The following SLC35E2B variants were observed in gnomAD, a reference collection of about 807,000 sequenced individuals.
The protein encoded by SLC35E2B is solute carrier family 35, member E2B.
In SLC35E2B, 18 loss-of-function variants were observed where a neutral mutation model predicts 32.4. That is an observed-to-expected ratio of 0.56 (90% CI 0.38 to 0.82). The LOEUF is 0.82. Ranked by LOEUF, SLC35E2B falls within the 40% of genes least tolerant of loss-of-function variation. SLC35E2B has a pLI of 0.00. For missense variants in SLC35E2B, 263 were observed against 469.5 expected, an observed-to-expected ratio of 0.56 and a Z score of 4.06; for synonymous variants, 132 against 209.1, an observed-to-expected ratio of 0.63 and a Z score of 3.18.
chr1:1,677,057 G>A (rs1468708616), intron 2 of SLC35E2B, among the ~76,000 whole-genome samples: 93 of 82,900 alleles, frequency 1.1e-3, no homozygotes, highest in Middle Eastern at 4.2e-3. Context: ...ACGAAACCCC[G>A]TCTCTACTAA....
At chr1:1,677,464 C>A (rs1643863481) in intron 2 of SLC35E2B, among the ~76,000 whole-genome samples, 1 of 150,388 alleles carries the variant, frequency 6.6e-6, no homozygotes, top group African/African-American at 2.5e-5. Context: ...TAATTCCATG[C>A]TACTTTCTTT....
At chr1:1,687,963 T>C (rs1643971716) in intron 2 of SLC35E2B, among the ~76,000 whole-genome samples, 1 of 152,050 alleles carries the variant, frequency 6.6e-6, no homozygotes, top group South Asian at 2.1e-4. Context: ...CAGGCTTCTT[T>C]GAAAAATGAC....
At chr1:1,667,741 A>C (rs1643583067) in intron 9 of SLC35E2B, among the ~76,000 whole-genome samples, 1 of 152,216 alleles carries the variant, frequency 6.6e-6, no homozygotes, top group Non-Finnish European at 1.5e-5. Flanking sequence ...TATTCTAGAC[A>C]GAAAAGCACT....
At chr1:1,684,358 G>A (rs1317754344) in intron 2 of SLC35E2B, among the ~76,000 whole-genome samples, 2 of 152,202 alleles carry the variant, frequency 1.3e-5, no homozygotes, top group Non-Finnish European at 2.9e-5. Context: ...TCAGGGCAGC[G>A]TTTCTGCTGA....
chr1:1,678,531 G>C (rs1643873076), intron 2 of SLC35E2B, among the ~76,000 whole-genome samples: 1 of 152,034 alleles, frequency 6.6e-6, no homozygotes, highest in Admixed American at 6.6e-5. Flanking sequence ...GTGCCACCCA[G>C]ACGCTCCCAG....
chr1:1,678,967 G>C (rs182295373), intron 2 of SLC35E2B, among the ~76,000 whole-genome samples: 8 of 152,146 alleles, frequency 5.3e-5, no homozygotes, highest in African/African-American at 1.9e-4. Flanking sequence ...CAGAGCACTC[G>C]CGACAGGGCT....
chr1:1,682,009 A>G (rs1478576454), intron 2 of SLC35E2B, among the ~76,000 whole-genome samples: 3 of 31,240 alleles, frequency 9.6e-5, no homozygotes, highest in African/African-American at 6.9e-4. Flanking sequence ...AAAAAAAAAA[A>G]AAAAAAAAAA....
At position 1,669,670 on chromosome 1, in the gene SLC35E2B, G is replaced by C; in HGVS notation, c.828C>G (p.Phe276Leu). The change falls in exon 8 of 10, where the codon TTC (phenylalanine) becomes TTG (leucine). Residue 276 changes from phenylalanine to leucine, a missense_variant. Physicochemically the swap from Phe to Leu is conservative, Grantham distance 22 (BLOSUM62 0). Coordinates refer to ENST00000617444, the MANE Select transcript of SLC35E2B (RefSeq NM_001290264.2). ...AVAMLVPARV[F>L]FTDVPVIGRS... Reference sequence around the variant, plus strand: ...GCCTGTGTCTGAAACCCACCGTAAAGAAAACCCGGGCCGGGACGAGCATGG... The same window carrying C: ...GCCTGTGTCTGAAACCCACCGTAAACAAAACCCGGGCCGGGACGAGCATGG... The C allele has an allele frequency of 6.6e-7, 1 of 1,525,850 alleles. No homozygotes were observed. Among genetic ancestry groups the C allele is most frequent in the Non-Finnish European group, 8.9e-7 (1 of 1,127,332 alleles). 94.5% of individuals were successfully genotyped at this position (1,525,850 alleles called of 1,614,324 possible).
chr1:1,675,324 G>T, intron 5 of SLC35E2B, 139 bp downstream of exon 5: 1 of 802,124 alleles, frequency 1.2e-6, no homozygotes, highest in Admixed American at 2.9e-5. Context: ...CGTGAGAGAA[G>T]TGAAGGCACT....
At chr1:1,675,375 C>G (rs1385756245) in intron 5 of SLC35E2B, 88 bp downstream of exon 5, 2 of 1,037,362 alleles carry the variant, frequency 1.9e-6, no homozygotes, top group Non-Finnish European at 2.8e-6. Flanking sequence ...CGCGGCAGAG[C>G]CCCATGGCAG....
chr1:1,690,033 G>C (rs1228361905), intron 2 of SLC35E2B, among the ~76,000 whole-genome samples: 1 of 148,520 alleles, frequency 6.7e-6, no homozygotes, highest in African/African-American at 2.5e-5. Flanking sequence ...TGTAATCCCA[G>C]CACTTTGGGA....
At position 1,665,171 on chromosome 1, in the gene SLC35E2B, G is replaced by A. The variant is rs576167810; in HGVS notation, c.*611C>T. ...TCCGTGGTCATAGCCCTTGAGTGCC[G>A]TGCAATGCTGCAGCTTGAGGCTTGC... On this transcript the variant is annotated 3_prime_UTR_variant, in exon 10 of 10. Transcript: ENST00000617444. The A allele has an allele frequency of 9.1e-5, 15 of 165,084 alleles. No individual in the cohort carries two copies. Among genetic ancestry groups the A allele is most frequent in the African/African-American group, 2.4e-4 (10 of 41,996 alleles). 10.2% of individuals were successfully genotyped at this position (165,084 alleles called of 1,614,324 possible).
At chr1:1,671,027 T>C (rs1382556511) in intron 6 of SLC35E2B, 1 of 152,430 alleles carries the variant, frequency 6.6e-6, no homozygotes, top group African/African-American at 2.4e-5. Flanking sequence ...CCCTCTCCTC[T>C]GGGAGCCTGC....
At chr1:1,683,015 C>T (rs1051783233) in intron 2 of SLC35E2B, among the ~76,000 whole-genome samples, 2 of 152,008 alleles carry the variant, frequency 1.3e-5, no homozygotes, top group African/African-American at 4.8e-5. Flanking sequence ...AGGTGGAAAT[C>T]GCAGTGAGCC....
chr1:1,688,725 G>A (rs1448579153), intron 2 of SLC35E2B, among the ~76,000 whole-genome samples: 1 of 151,978 alleles, frequency 6.6e-6, no homozygotes, highest in Non-Finnish European at 1.5e-5. Flanking sequence ...CAGAGAGAAA[G>A]CTATGCACGC....
chr1:1,669,976 G>T, intron 7 of SLC35E2B, 122 bp downstream of exon 7: 1 of 1,008,514 alleles, frequency 9.9e-7, no homozygotes, highest in Non-Finnish European at 1.5e-6. Context: ...CAGGGTACTT[G>T]TAAAGGCCAC....
chr1:1,679,168 A>AG (rs1643878853), intron 2 of SLC35E2B, among the ~76,000 whole-genome samples: 2 of 152,202 alleles, frequency 1.3e-5, no homozygotes. Context: ...CATGGCAAGG[A>AG]GGCCACGCTC....
chr1:1,681,738 C>A (rs1643901289), intron 2 of SLC35E2B, among the ~76,000 whole-genome samples: 1 of 150,384 alleles, frequency 6.6e-6, no homozygotes, highest in African/African-American at 2.4e-5. Context: ...GTAATCCCAG[C>A]ACTTTGGGAG....
In SLC35E2B at chr1:1,670,368, C is replaced by T. The variant is rs144097226; in HGVS notation, c.708-217G>A. ...AACTCCTGACCTCAAGTGATCCACC[C>T]GCCTCAGCCTCCCAAAGTGCTGGGA... On this transcript the variant is annotated intron_variant, in intron 6 of 9. Coordinates refer to ENST00000617444, the MANE Select transcript of SLC35E2B (RefSeq NM_001290264.2). The T allele has an allele frequency of 5.2e-4, 250 of 478,728 alleles. 2 individuals carry two copies. Among genetic ancestry groups the T allele is most frequent in the African/African-American group, 4.5e-3 (223 of 49,844 alleles). 29.7% of individuals were successfully genotyped at this position (478,728 alleles called of 1,614,324 possible).
Sources: gnomAD v4.1 joint callset for allele counts (sites outside exome capture counted in the v4.1 genomes callset) on GRCh38, gnomAD v4.1.1 for gene constraint, MANE v1.5 for transcripts, NCBI Gene and HGNC (gene_info 2026-07-23, HGNC 2026-07-21) for gene names.